The following FAT1 variants were observed in gnomAD, a reference collection of about 807,000 sequenced individuals.
The protein encoded by FAT1 is protocadherin Fat 1.
FAT1 carries 171 observed loss-of-function variants against 329.8 expected under a neutral mutation model. That is an observed-to-expected ratio of 0.52 (90% CI 0.46 to 0.59). FAT1 has a LOEUF of 0.59. Among genes scored for constraint, FAT1 ranks in the 20% least tolerant of loss-of-function variants. The probability of loss-of-function intolerance (pLI) is 0.00; values close to 1 mark genes in which losing one functional copy is unlikely to be tolerated. For missense variants in FAT1, 5,672 were observed against 5,774.4 expected, an observed-to-expected ratio of 0.98 and a Z score of 0.57; for synonymous variants, 2,233 against 2,228.6, an observed-to-expected ratio of 1.00 and a Z score of -0.06.
intron 16 of FAT1, among the ~76,000 whole-genome samples, chr4:186,606,897 T>G (rs947767029): frequency 6.6e-6 from 1 of 152,242 alleles, no homozygotes; most frequent in African/African-American, 2.4e-5. Flanking sequence ...ACGTTAGTCC[T>G]GCAAGACGCT....
At chr4:186,681,558 AG>A in intron 2 of FAT1, among the ~76,000 whole-genome samples, 1 of 152,330 alleles carries the variant, frequency 6.6e-6, no homozygotes, top group Middle Eastern at 3.4e-3. Flanking sequence ...TATCAAGACA[AG>A]GGACCGGCAT....
chr4:186,685,687 T>TA (rs1743424141), intron 2 of FAT1, among the ~76,000 whole-genome samples: 1 of 152,246 alleles, frequency 6.6e-6, no homozygotes, highest in Non-Finnish European at 1.5e-5. Flanking sequence ...CTGATTTCTA[T>TA]AAAACCAACA....
intron 3 of FAT1, among the ~76,000 whole-genome samples, chr4:186,647,159 T>G (rs1421477024): frequency 6.6e-6 from 1 of 152,302 alleles, no homozygotes; most frequent in Admixed American, 6.5e-5. Flanking sequence ...AGGCATACAA[T>G]TTATTTAAGG....
chr4:186,671,654 T>C (rs2126632554), intron 2 of FAT1, among the ~76,000 whole-genome samples: 1 of 151,792 alleles, frequency 6.6e-6, no homozygotes, highest in African/African-American at 2.4e-5. Context: ...AGCCAAGACG[T>C]GTCATTGCAC....
At chr4:186,723,863 C>G (rs1335252089), upstream of FAT1, 1 of 150,278 alleles carries the variant, frequency 6.7e-6, no homozygotes, top group Non-Finnish European at 1.5e-5. Flanking sequence ...GCTCCCCGAG[C>G]GCAGGAGATC....
chr4:186,690,458 G>A (rs1015910764), intron 2 of FAT1, among the ~76,000 whole-genome samples: 2 of 152,184 alleles, frequency 1.3e-5, no homozygotes, highest in African/African-American at 4.8e-5. Flanking sequence ...AGCACCTGGA[G>A]GCCGAGGCAG....
chr4:186,604,787 G>GGCT (rs200861551), intron 17 of FAT1, among the ~76,000 whole-genome samples: 2,782 of 151,634 alleles, frequency 0.018, 55 homozygotes, highest in Admixed American at 0.068. Flanking sequence ...AGAAAAAGGA[G>GGCT]GATGAAGGAA....
Position 186,618,891 on chromosome 4 carries a change from T to C in FAT1, c.7695A>G (p.Ser2565=). 1 of 1,614,010 alleles carries C rather than the reference T, an allele frequency of 6.2e-7. No homozygotes were observed. The highest frequency in any genetic ancestry group is 1.1e-5 in the South Asian group (1 of 91,088). Residue 2565 remains serine (S), a synonymous_variant, in exon 10 of 27, where the codon TCA becomes TCG. Transcript: ENST00000441802. ...CAGCATCCTTAGCCATTAAACGGAC[T>C]GAGATCACTTTCTCCGCCGGGGTTT... ...DRETPAEKVI[S]VRLMAKDAGG... is the part of the protein sequence containing the mutation.
intron 3 of FAT1, 80 bp from the exon 4 acceptor site, chr4:186,639,863 C>A: frequency 2.5e-6 from 3 of 1,212,612 alleles, no homozygotes; most frequent in Non-Finnish European, 3.6e-6. Context: ...ACACTCTTGG[C>A]CAGGTGCGGT....
At chr4:186,715,302 C>T (rs923823711) in intron 1 of FAT1, among the ~76,000 whole-genome samples, 1 of 151,776 alleles carries the variant, frequency 6.6e-6, no homozygotes, top group Non-Finnish European at 1.5e-5. Flanking sequence ...ATGCAATTAC[C>T]TTCCACATCC....
chr4:186,609,101 G>A (rs907912522), intron 16 of FAT1, 82 bp downstream of exon 16: 40 of 1,516,948 alleles, frequency 2.6e-5, no homozygotes, highest in Non-Finnish European at 3.4e-5. Flanking sequence ...CTCACACCAC[G>A]CCCAGCAGAC....
chr4:186,684,242 C>T (rs1355660511), intron 2 of FAT1, among the ~76,000 whole-genome samples: 1 of 152,164 alleles, frequency 6.6e-6, no homozygotes, highest in Non-Finnish European at 1.5e-5. Context: ...AAACTACATT[C>T]TCTTGTTGTT....
intron 3 of FAT1, among the ~76,000 whole-genome samples, chr4:186,651,046 T>TTATTAAATAATTTATC (rs1466106908): frequency 6.7e-6 from 1 of 149,862 alleles, no homozygotes; most frequent in African/African-American, 2.4e-5. Flanking sequence ...TTATTTACTA[T>TTATTAAATAATTTATC]TATTAAATAA....
chr4:186,591,149 TGG>T (rs1027922264), intron 26 of FAT1, among the ~76,000 whole-genome samples: 3 of 152,194 alleles, frequency 2.0e-5, no homozygotes, highest in African/African-American at 7.2e-5. Context: ...CTCTTTGAAA[TGG>T]GGTGAAAATC....
chr4:186,663,425 A>T lies in FAT1; in HGVS notation c.3454T>A (p.Ser1152Thr), dbSNP rs182384546. 1 of 1,613,972 alleles carries T rather than the reference A, an allele frequency of 6.2e-7. No individual in the cohort carries two copies. Among genetic ancestry groups the T allele is most frequent in the East Asian group, 2.2e-5 (1 of 44,880 alleles). ...PVYYPEIMEN[S>T]PKDVSVVQIE... ...TGGACCACAGATACATCTTTAGGAG[A>T]ATTTTCCATGATTTCTGGGTAATAA... Residue 1152 changes from serine (S) to threonine (T), a missense_variant, in exon 3 of 27, where the codon TCT becomes ACT. Coordinates refer to ENST00000441802, the MANE Select transcript of FAT1 (RefSeq NM_005245.4).
intron 17 of FAT1, among the ~76,000 whole-genome samples, chr4:186,605,704 GAGT>G (rs1739097749): frequency 6.7e-6 from 1 of 150,100 alleles, no homozygotes; most frequent in Non-Finnish European, 1.5e-5. Context: ...GAAGAAAGTG[GAGT>G]AGAAGATGGA....
intron 12 of FAT1, among the ~76,000 whole-genome samples, chr4:186,613,580 C>A (rs546826976): frequency 6.6e-6 from 1 of 152,172 alleles, no homozygotes; most frequent in Non-Finnish European, 1.5e-5. Context: ...GGCCTCTCAC[C>A]TTGTGTATAA....
rs763882754 is a variant in FAT1 at position 186,620,941 on chromosome 4, G to T, written c.5645C>A (p.Pro1882Gln). 3 of 1,613,948 alleles carry T rather than the reference G, an allele frequency of 1.9e-6. No individual in the cohort carries two copies. The highest frequency in any genetic ancestry group is 8.5e-7 in the Non-Finnish European group (1 of 1,179,902). Reference protein sequence around the residue: ...INDCPPVFAKPLYEASLLLPT... With the variant: ...INDCPPVFAKQLYEASLLLPT... ...TAACAAAAGAGATGCTTCATATAAT[G>T]GCTTGGCAAACACAGGGGGGCAGTC... The change falls in exon 10 of 27, where the codon CCA becomes CAA. Residue 1882 changes from proline to glutamine, a missense_variant. Around this residue, in one of 2 missense-constraint regions of FAT1, gnomAD observed 3,966 missense variants for 3,915.2 expected, o/e 1.01. Transcript: ENST00000441802.
At chr4:186,615,896 A>G (rs1394427383) in intron 11 of FAT1, among the ~76,000 whole-genome samples, 1 of 152,198 alleles carries the variant, frequency 6.6e-6, no homozygotes, top group Admixed American at 6.5e-5. Flanking sequence ...TCTAAAAAAC[A>G]TGGTCAACTG....
Sources: allele counts gnomAD v4.1 joint callset (sites outside exome capture counted in the v4.1 genomes callset), GRCh38; gene constraint gnomAD v4.1.1; regional missense constraint gnomAD v4.1.1; transcripts MANE v1.5; gene names NCBI Gene and HGNC (gene_info 2026-07-23, HGNC 2026-07-21).